Variants in GABRA2 observed in about 807,000 individuals in gnomAD.
The protein encoded by GABRA2 is gamma-aminobutyric acid receptor subunit alpha-2.
In GABRA2, 16 loss-of-function variants were observed where a neutral mutation model predicts 48.7. The ratio of observed to expected loss-of-function variants is 0.33; its 90% confidence interval spans 0.22 to 0.50. GABRA2 has a LOEUF of 0.50. Among genes scored for constraint, GABRA2 ranks in the 20% least tolerant of loss-of-function variants. The pLI is 0.98. For missense variants in GABRA2, 275 were observed against 535.6 expected, an observed-to-expected ratio of 0.51 and a Z score of 4.80; for synonymous variants, 185 against 184.5, an observed-to-expected ratio of 1.00 and a Z score of -0.02.
At chr4:46,276,599 C>CAAAAAAAA (rs60891194) in intron 8 of GABRA2, among the ~76,000 whole-genome samples, 1 of 85,188 alleles carries the variant, frequency 1.2e-5, no homozygotes. Context: ...ACTTCAGGCT[C>CAAAAAAAA]AAAAAAAAAA....
intron 8 of GABRA2, among the ~76,000 whole-genome samples, chr4:46,291,010 C>T (rs1429108679): frequency 6.6e-6 from 1 of 152,082 alleles, no homozygotes; most frequent in Non-Finnish European, 1.5e-5. Flanking sequence ...AGGAATTTTG[C>T]ATCTATATTC....
At chr4:46,343,090 T>G (rs545854317) in intron 3 of GABRA2, among the ~76,000 whole-genome samples, 1 of 152,032 alleles carries the variant, frequency 6.6e-6, no homozygotes, top group Non-Finnish European at 1.5e-5. Context: ...AAGCCTGAAA[T>G]GGACATTGTA....
At chr4:46,265,460 T>C (rs1577820020) in intron 8 of GABRA2, among the ~76,000 whole-genome samples, 1 of 129,904 alleles carries the variant, frequency 7.7e-6, no homozygotes, top group Non-Finnish European at 1.6e-5. Flanking sequence ...ATATATATAA[T>C]ATATATATAA....
rs149266766 is a variant in GABRA2, at chr4:46,293,976, T to C, written c.856+9484A>G. On this transcript the variant is annotated intron_variant, in intron 8 of 9. Coordinates refer to ENST00000381620, the MANE Select transcript of GABRA2 (RefSeq NM_000807.4). ...ATGTGGTTTCATTGCTTGAACAAAT[T>C]AACACATCTCCTGGTACCTGGTATG... is the stretch of plus-strand genomic sequence containing the variant. 3.5e-4 allele frequency among the ~76,000 whole-genome samples: 54 copies of C among 152,314 alleles called. No individual in the cohort carries two copies. In the Middle Eastern group the frequency reaches 0.014, roughly 38 times the overall value.
chr4:46,375,540 A>C (rs1205322021), intron 3 of GABRA2, among the ~76,000 whole-genome samples: 1 of 152,180 alleles, frequency 6.6e-6, no homozygotes, highest in Non-Finnish European at 1.5e-5. Flanking sequence ...TGGGAATGCC[A>C]CACTTAAACA....
intron 3 of GABRA2, among the ~76,000 whole-genome samples, chr4:46,370,819 T>G (rs1209079166): frequency 6.6e-6 from 1 of 152,060 alleles, no homozygotes; most frequent in East Asian, 1.9e-4. Context: ...TGTCTATTTC[T>G]CTACAAAGAA....
At chr4:46,310,884 G>C (rs1251156567) in intron 5 of GABRA2, among the ~76,000 whole-genome samples, 1 of 152,048 alleles carries the variant, frequency 6.6e-6, no homozygotes. Flanking sequence ...TTACAACAAA[G>C]AGTAGTCATA....
At chr4:46,389,679 C>G in intron 1 of GABRA2, 56 bp downstream of exon 1, 1 of 946,786 alleles carries the variant, frequency 1.1e-6, no homozygotes, top group African/African-American at 1.8e-5. Flanking sequence ...GGCATGCACG[C>G]GAGGCAAAGA....
intron 3 of GABRA2, among the ~76,000 whole-genome samples, chr4:46,343,293 A>T (rs977923002): frequency 9.9e-5 from 15 of 152,036 alleles, no homozygotes; most frequent in Admixed American, 9.2e-4. Flanking sequence ...TCCCAAGAAC[A>T]TATAATTTCT....
At chr4:46,291,796 T>TAC (rs1723711212) in intron 8 of GABRA2, among the ~76,000 whole-genome samples, 1 of 150,192 alleles carries the variant, frequency 6.7e-6, no homozygotes, top group African/African-American at 2.4e-5. Context: ...TATATACATA[T>TAC]ACATATATAT....
intron 8 of GABRA2, among the ~76,000 whole-genome samples, chr4:46,290,577 CT>C (rs1347977089): frequency 8.5e-5 from 13 of 152,164 alleles, no homozygotes; most frequent in Non-Finnish European, 1.6e-4. Flanking sequence ...TTTTTCACTT[CT>C]GATGTAAAGA....
chr4:46,333,568 T>C (rs1325815404), intron 3 of GABRA2, among the ~76,000 whole-genome samples: 2 of 152,246 alleles, frequency 1.3e-5, no homozygotes, highest in East Asian at 3.9e-4. Context: ...TTTTGTATTA[T>C]ACTAGACATT....
At chr4:46,354,849 C>A (rs1735712479) in intron 3 of GABRA2, among the ~76,000 whole-genome samples, 1 of 152,132 alleles carries the variant, frequency 6.6e-6, no homozygotes, top group Admixed American at 6.6e-5. Context: ...GCTTGCCACT[C>A]TTTTTGTACA....
At chr4:46,275,624 C>G (rs1334596775) in intron 8 of GABRA2, among the ~76,000 whole-genome samples, 1 of 152,104 alleles carries the variant, frequency 6.6e-6, no homozygotes, top group African/African-American at 2.4e-5. Context: ...TAGCAGGAGA[C>G]CATCAAAAAC....
At position 46,308,585 on chromosome 4, in the gene GABRA2, T is replaced by G. The variant is rs567028102; in HGVS notation, c.559+1588A>C. On this transcript the variant is annotated intron_variant, in intron 6 of 9. Coordinates refer to ENST00000381620, the MANE Select transcript of GABRA2 (RefSeq NM_000807.4). ...CAAAGACAATAAAATAACATAAAAA[T>G]TGTTTATTCAGAGTGTCAGAAAATA... Among the ~76,000 whole-genome samples the G allele has an allele frequency of 9.9e-5, 15 of 152,250 alleles. No individual in the cohort carries two copies. In the South Asian group the frequency reaches 1.0e-3, roughly 11 times the overall value.
chr4:46,375,277 A>T (rs1479128149), intron 3 of GABRA2, among the ~76,000 whole-genome samples: 1 of 152,168 alleles, frequency 6.6e-6, no homozygotes, highest in Admixed American at 6.5e-5. Flanking sequence ...TTTGTAAATG[A>T]TAAGATCTGT....
At position 46,355,187 on chromosome 4, in the gene GABRA2, C is replaced by T. The variant is rs28639854; in HGVS notation, c.188-22505G>A. Among the ~76,000 whole-genome samples the T allele has an allele frequency of 7.7e-3, 1,166 of 152,206 alleles. 20 individuals are homozygous for T. Among genetic ancestry groups the T allele is most frequent in the African/African-American group, 0.027 (1,107 of 41,528 alleles). The stretch of plus-strand genomic sequence containing the variant: ...TAAATGCTTCAATCCCAATGTCTTA[C>T]TTTATTTTTTGCCAGCATTTTCTTA... On this transcript the variant is annotated intron_variant, in intron 3 of 9. Coordinates refer to ENST00000381620, the MANE Select transcript of GABRA2 (RefSeq NM_000807.4).
chr4:46,332,706 T>G, intron 3 of GABRA2, 24 bp from the exon 4 acceptor site: 1 of 1,274,006 alleles, frequency 7.8e-7, no homozygotes, highest in Non-Finnish European at 1.1e-6. Flanking sequence ...AGAGATTGAA[T>G]ATAGATATTA....
In GABRA2 at chr4:46,389,941, G is replaced by C. The variant is rs1034860870; in HGVS notation, c.-217C>G. On this transcript the variant is annotated 5_prime_UTR_variant, in exon 1 of 10. Coordinates refer to ENST00000381620, the MANE Select transcript of GABRA2 (RefSeq NM_000807.4). ...GAGGAGCGCTAGGAGCCGCGGCGGC[G>C]GCGCGAGGTGTAGAAGGAGGCGAAG... 1.3e-5 allele frequency: 13 copies of C among 988,336 alleles called. No homozygotes were observed. Among genetic ancestry groups the C allele is most frequent in the African/African-American group, 7.0e-5 (4 of 56,994 alleles). The allele number at this position is 988,336 out of a possible 1,614,324, so 61.2% of individuals were successfully genotyped here. A position where few individuals can be genotyped will look rare whatever the true frequency, so the allele number is the denominator to read the frequency against.
Sources: gnomAD v4.1 joint callset for allele counts (sites outside exome capture counted in the v4.1 genomes callset) on GRCh38, gnomAD v4.1.1 for gene constraint, MANE v1.5 for transcripts, NCBI Gene and HGNC (gene_info 2026-07-23, HGNC 2026-07-21) for gene names.